Variants in AGBL1 observed in about 807,000 individuals in gnomAD.
The protein encoded by AGBL1 is cytosolic carboxypeptidase 4.
A neutral mutation model predicts 118.9 loss-of-function variants in AGBL1; 130 were observed. The ratio of observed to expected loss-of-function variants is 1.09; its 90% CI spans 0.95 to 1.26. The LOEUF is 1.26. AGBL1 is among the 50% of genes most tolerant of loss of function. AGBL1 has a pLI of 0.00. For missense variants in AGBL1, 1,584 were observed against 1,298.1 expected (o/e 1.22, Z -3.38); for synonymous variants, 555 against 478.9 (o/e 1.16, Z -2.08).
At chr15:87,025,728 G>C (rs141566762) in intron 24 of AGBL1, among the ~76,000 whole-genome samples, 3 of 151,874 alleles carry the variant, frequency 2.0e-5, no homozygotes, top group African/African-American at 7.2e-5. Context: ...GAACAAACCT[G>C]GAGGCATCCC....
At chr15:86,298,246 A>AAT (rs59968237) in intron 17 of AGBL1, among the ~76,000 whole-genome samples, 5,340 of 69,502 alleles carry the variant, frequency 0.077, 329 homozygotes, top group East Asian at 0.098. Flanking sequence ...GTCTGTGTAT[A>AAT]ATATATATAT....
At position 86,126,499 on chromosome 15, in the gene AGBL1, A is replaced by G. The variant is rs79268168; in HGVS notation, c.52-15505A>G. Among the ~76,000 whole-genome samples the G allele has an allele frequency of 4.6e-3, 693 of 152,292 alleles. 20 individuals are homozygous for G. The East Asian group carries it at 0.079, about 17-fold the overall frequency. On this transcript the variant is annotated intron_variant, in intron 1 of 22. Coordinates refer to ENST00000614907, the MANE Select transcript of AGBL1 (RefSeq NM_001386094.1). ...AGATATACAGAATATTCATAAATAG[A>G]TGGTAGAGTCTATATGAATTGAACA...
At chr15:86,956,604 T>A (rs1047593781) in intron 23 of AGBL1, among the ~76,000 whole-genome samples, 1 of 152,196 alleles carries the variant, frequency 6.6e-6, no homozygotes, top group Non-Finnish European at 1.5e-5. Context: ...GGTCCATCCA[T>A]GTCATGGAGA....
chr15:86,211,951 G>A (rs960583540), intron 5 of AGBL1, among the ~76,000 whole-genome samples: 8 of 152,226 alleles, frequency 5.3e-5, no homozygotes, highest in Admixed American at 5.2e-4. Flanking sequence ...GACTAGAGCT[G>A]TTCCTATTCG....
chr15:86,926,467 A>G (rs924405532), intron 23 of AGBL1, among the ~76,000 whole-genome samples: 3 of 152,182 alleles, frequency 2.0e-5, no homozygotes, highest in Admixed American at 6.5e-5. Flanking sequence ...CCATACAAAT[A>G]GGTCATTTTG....
intron 24 of AGBL1, among the ~76,000 whole-genome samples, chr15:87,016,813 C>A (rs560108232): frequency 3.3e-5 from 5 of 152,090 alleles, no homozygotes; most frequent in African/African-American, 4.8e-5. Flanking sequence ...ATGCTTCTCC[C>A]ACAGATCTTT....
At chr15:86,477,469 G>C (rs938263884) in intron 18 of AGBL1, among the ~76,000 whole-genome samples, 8 of 152,058 alleles carry the variant, frequency 5.3e-5, no homozygotes, top group African/African-American at 9.7e-5. Context: ...CGCAAATAAA[G>C]TAGAAAATCT....
At chr15:86,672,953 T>C (rs2085772814) in intron 21 of AGBL1, among the ~76,000 whole-genome samples, 1 of 152,208 alleles carries the variant, frequency 6.6e-6, no homozygotes, top group South Asian at 2.1e-4. Context: ...TTGTGAGGCT[T>C]ATGATTTCCC....
chr15:86,970,778 A>ATATC (rs1431545499), intron 23 of AGBL1, among the ~76,000 whole-genome samples: 1 of 151,976 alleles, frequency 6.6e-6, no homozygotes, highest in African/African-American at 2.4e-5. Context: ...TTTCCCCTAG[A>ATATC]TATCTGAACT....
chr15:86,870,267 C>A (rs769235717), intron 22 of AGBL1, among the ~76,000 whole-genome samples: 4 of 151,666 alleles, frequency 2.6e-5, no homozygotes, highest in African/African-American at 4.8e-5. Context: ...TATTTTTCAT[C>A]CTCAGTTTAC....
intron 21 of AGBL1, among the ~76,000 whole-genome samples, chr15:86,663,581 G>A (rs772826873): frequency 9.9e-5 from 15 of 152,092 alleles, no homozygotes; most frequent in Non-Finnish European, 4.4e-5. Context: ...GAGGCAGGCT[G>A]TTGTTGCACA....
intron 22 of AGBL1, among the ~76,000 whole-genome samples, chr15:86,846,334 C>T (rs541806692): frequency 1.3e-5 from 2 of 152,264 alleles, no homozygotes; most frequent in East Asian, 3.9e-4. Context: ...TGTCATTTCA[C>T]TGTTTTGACT....
chr15:86,798,342 A>G (rs1359174393), intron 22 of AGBL1, among the ~76,000 whole-genome samples: 1 of 152,126 alleles, frequency 6.6e-6, no homozygotes, highest in Non-Finnish European at 1.5e-5. Flanking sequence ...ACACACTACA[A>G]GGGTGTTGGG....
intron 5 of AGBL1, among the ~76,000 whole-genome samples, chr15:86,216,860 T>A (rs1249910479): frequency 6.6e-6 from 1 of 152,164 alleles, no homozygotes; most frequent in Non-Finnish European, 1.5e-5. Flanking sequence ...ACTCCTGTCA[T>A]CCTCAACTCT....
chr15:86,337,490 T>G (rs1486569327), intron 17 of AGBL1, among the ~76,000 whole-genome samples: 1 of 152,064 alleles, frequency 6.6e-6, no homozygotes, highest in Non-Finnish European at 1.5e-5. Flanking sequence ...ATAAAGAAAA[T>G]GTGGTACATA....
At chr15:86,791,216 C>T (rs1348430244) in intron 22 of AGBL1, among the ~76,000 whole-genome samples, 1 of 152,132 alleles carries the variant, frequency 6.6e-6, no homozygotes, top group African/African-American at 2.4e-5. Flanking sequence ...CTACTTAGGT[C>T]TGAAGATAAG....
chr15:86,447,732 C>T (rs1178699462), intron 18 of AGBL1, among the ~76,000 whole-genome samples: 2 of 152,130 alleles, frequency 1.3e-5, no homozygotes, highest in Non-Finnish European at 2.9e-5. Context: ...GGGCCAAGCA[C>T]TATTTAAGGC....
intron 22 of AGBL1, among the ~76,000 whole-genome samples, chr15:86,713,023 TTG>T (rs2086584862): frequency 6.6e-6 from 1 of 152,184 alleles, no homozygotes; most frequent in Admixed American, 6.5e-5. Context: ...ACAATTTAGC[TTG>T]TGTGTCTGTT....
At chr15:86,720,541 G>T (rs897923755) in intron 22 of AGBL1, among the ~76,000 whole-genome samples, 3 of 152,182 alleles carry the variant, frequency 2.0e-5, no homozygotes, top group Admixed American at 2.0e-4. Context: ...GAGATATGTG[G>T]CTATAGATGG....
Sources: allele counts gnomAD v4.1 joint callset (sites outside exome capture counted in the v4.1 genomes callset), GRCh38; gene constraint gnomAD v4.1.1; transcripts MANE v1.5; gene names NCBI Gene and HGNC (gene_info 2026-07-23, HGNC 2026-07-21).